The following DDX6 variants were observed in gnomAD, a reference collection of about 807,000 sequenced individuals.
DDX6 encodes the protein probable ATP-dependent RNA helicase DDX6.
DDX6 carries 7 observed loss-of-function variants against 60.6 expected under a neutral mutation model. The observed-to-expected ratio is 0.12, with a 90% CI of 0.07 to 0.22. The LOEUF (loss-of-function observed/expected upper bound fraction) is 0.22, where lower values mean the gene tolerates loss of function less well. Among genes scored for constraint, DDX6 ranks in the 10% least tolerant of loss-of-function variants. DDX6 has a pLI of 1.00. For synonymous variants in DDX6, 207 were observed against 201.0 expected (o/e 1.03, Z -0.25); for missense variants, 270 against 589.9 (o/e 0.46, Z 5.62).
At chr11:118,783,094 AAAGT>A (rs10548419) in intron 2 of DDX6, among the ~76,000 whole-genome samples, 93,311 of 151,456 alleles carry the variant, frequency 0.62, 29,229 homozygotes, top group Admixed American at 0.7. Flanking sequence ...TTAAAATGAG[AAAGT>A]AAGTGACGGA....
intron 5 of DDX6, among the ~76,000 whole-genome samples, chr11:118,767,147 C>T (rs1390643458): frequency 1.3e-5 from 2 of 151,998 alleles, no homozygotes; most frequent in South Asian, 2.1e-4. Flanking sequence ...CTCGGCCTCC[C>T]GAAGTGCTGG....
chr11:118,766,244 T>G (rs1193604716), intron 5 of DDX6, among the ~76,000 whole-genome samples: 1 of 150,246 alleles, frequency 6.7e-6, no homozygotes, highest in Non-Finnish European at 1.5e-5. Flanking sequence ...CTGGGCAACA[T>G]AGCAAGACCC....
intron 2 of DDX6, among the ~76,000 whole-genome samples, chr11:118,783,836 C>A (rs1227386855): frequency 1.8e-4 from 10 of 54,140 alleles, no homozygotes; most frequent in Admixed American, 1.6e-3. Context: ...TAAAAATAGG[C>A]TGGGCGCAGT....
intron 10 of DDX6, 54 bp from the exon 11 acceptor site, chr11:118,756,377 T>C (rs1860977393): frequency 7.3e-7 from 1 of 1,370,408 alleles, no homozygotes; most frequent in African/African-American, 1.4e-5. Flanking sequence ...AGCCCCAAAT[T>C]TCCCATAATT....
chr11:118,778,357 TGACA>T (rs1437759171), intron 4 of DDX6, among the ~76,000 whole-genome samples: 20 of 152,226 alleles, frequency 1.3e-4, no homozygotes, highest in Non-Finnish European at 2.5e-4. Flanking sequence ...TCAGCACTAC[TGACA>T]TTTTGGGCCA....
At chr11:118,779,952 C>T (rs1456407418) in intron 3 of DDX6, among the ~76,000 whole-genome samples, 4 of 151,588 alleles carry the variant, frequency 2.6e-5, no homozygotes, top group African/African-American at 7.3e-5. Context: ...TCCAACTCCA[C>T]GAAAAATACA....
At chr11:118,753,308 G>A (rs1423886084) in intron 13 of DDX6, among the ~76,000 whole-genome samples, 3 of 150,544 alleles carry the variant, frequency 2.0e-5, no homozygotes, top group African/African-American at 7.3e-5. Flanking sequence ...GGGATTACAG[G>A]TGTGAGCCAC....
In DDX6 at chr11:118,786,466, T is replaced by C. The variant is rs1410510977; in HGVS notation, c.-215A>G. ...TCTTGCACGGAATCAACTTTTTATT[T>C]TTAAAAAGCCCTCTAACAAGCTTGA... is the stretch of plus-strand genomic sequence containing the variant. On this transcript the variant is annotated 5_prime_UTR_variant, in exon 2 of 14. Coordinates refer to ENST00000534980, the MANE Select transcript of DDX6 (RefSeq NM_004397.6). The C allele has an allele frequency of 2.7e-6, 1 of 376,744 alleles. No homozygotes were observed. Among genetic ancestry groups the C allele is most frequent in the Non-Finnish European group, 4.7e-6 (1 of 212,672 alleles). The allele number at this position is 376,744 out of a possible 1,614,324, so 23.3% of individuals were successfully genotyped here. A position where few individuals can be genotyped will look rare whatever the true frequency, so the allele number is the denominator to read the frequency against.
chr11:118,782,923 C>A (rs1861947522), intron 2 of DDX6, among the ~76,000 whole-genome samples: 1 of 152,158 alleles, frequency 6.6e-6, no homozygotes, highest in Non-Finnish European at 1.5e-5. Context: ...AGCCACCTCA[C>A]CCGGCCTACT....
intron 6 of DDX6, among the ~76,000 whole-genome samples, chr11:118,763,999 G>A (rs1555160835): frequency 6.6e-6 from 1 of 152,122 alleles, no homozygotes; most frequent in Non-Finnish European, 1.5e-5. Context: ...GTGGGGTACA[G>A]CTTCCTAAAT....
Position 118,753,965 on chromosome 11 carries a change from G to A in DDX6, c.*7+740C>T, listed in dbSNP as rs538134225. Among the ~76,000 whole-genome samples, 21 of 152,198 alleles carry A rather than the reference G, an allele frequency of 1.4e-4. No individual in the cohort carries two copies. The South Asian group carries it at 4.1e-3, about 30-fold the overall frequency. On this transcript the variant is annotated intron_variant, in intron 13 of 13. Coordinates refer to ENST00000534980, the MANE Select transcript of DDX6 (RefSeq NM_004397.6). ...ACAAAAATTAGCTGGGCATGGTGGA[G>A]CATGCCTGTAATTCCAGCTACTTGG...
At chr11:118,779,021 G>A (rs1025012122) in intron 4 of DDX6, among the ~76,000 whole-genome samples, 2 of 152,072 alleles carry the variant, frequency 1.3e-5, no homozygotes, top group African/African-American at 4.8e-5. Flanking sequence ...GCCGGGTGTT[G>A]TGGCACATGC....
intron 4 of DDX6, among the ~76,000 whole-genome samples, chr11:118,774,295 C>T (rs541892654): frequency 1.3e-5 from 2 of 152,132 alleles, no homozygotes; most frequent in Admixed American, 1.3e-4. Context: ...AAAGCTATAC[C>T]TTTAGAATGG....
intron 8 of DDX6, 74 bp from the exon 9 acceptor site, chr11:118,758,976 C>T (rs1412718593): frequency 3.8e-6 from 6 of 1,572,302 alleles, no homozygotes; most frequent in Non-Finnish European, 8.7e-7. Flanking sequence ...TCAAAATATA[C>T]CCTATACGTT....
chr11:118,753,067 C>T (rs758617386), intron 13 of DDX6, among the ~76,000 whole-genome samples: 11 of 152,184 alleles, frequency 7.2e-5, no homozygotes, highest in South Asian at 2.1e-4. Flanking sequence ...TCACTCTTAT[C>T]GCCCAGGCTC....
chr11:118,762,012 T>C (rs191737080), intron 7 of DDX6, among the ~76,000 whole-genome samples: 158 of 152,202 alleles, frequency 1.0e-3, no homozygotes, highest in African/African-American at 3.6e-3. Context: ...TGGTGGCTCA[T>C]GCCTGTAATC....
chr11:118,772,047 AT>A (rs1861551862), intron 4 of DDX6, among the ~76,000 whole-genome samples: 2 of 152,208 alleles, frequency 1.3e-5, no homozygotes, highest in Admixed American at 6.5e-5. Flanking sequence ...TACAAACTTT[AT>A]TCATAAATAA....
intron 5 of DDX6, chr11:118,767,903 G>T (rs1331443753): frequency 5.2e-6 from 1 of 190,946 alleles, no homozygotes; most frequent in Non-Finnish European, 1.1e-5. Context: ...AAAGTGCTGG[G>T]ATTACAGGCT....
At chr11:118,779,835 G>GC in intron 3 of DDX6, 99 bp from the exon 4 acceptor site, 1 of 877,164 alleles carries the variant, frequency 1.1e-6, no homozygotes, top group South Asian at 1.7e-5. Context: ...ATTTATCTGG[G>GC]CCAGGCATGG....
Sources: allele counts gnomAD v4.1 joint callset (sites outside exome capture counted in the v4.1 genomes callset), GRCh38; gene constraint gnomAD v4.1.1; transcripts MANE v1.5; gene names NCBI Gene and HGNC (gene_info 2026-07-23, HGNC 2026-07-21).